MAGED1: variants seen among roughly 807,000 people sequenced by gnomAD.
MAGED1 encodes melanoma-associated antigen D1.
MAGED1 carries 3 observed loss-of-function variants against 54.1 expected under a neutral mutation model. The ratio of observed to expected loss-of-function variants is 0.06; its 90% CI spans 0.03 to 0.14. MAGED1 has a LOEUF of 0.14. Ranked by LOEUF, MAGED1 falls within the 10% of genes least tolerant of loss-of-function variation. MAGED1 has a pLI of 1.00. For synonymous variants in MAGED1, 217 were observed against 227.3 expected (o/e 0.95, Z 0.41); for missense variants, 485 against 623.4 (o/e 0.78, Z 2.36).
intron 1 of MAGED1, among the ~76,000 whole-genome samples, chrX:51,884,156 G>A (rs185161104): frequency 2.7e-5 from 3 of 111,288 alleles, no homozygotes; most frequent in Admixed American, 1.9e-4. Flanking sequence ...CCCACAGATT[G>A]AGTGATTCAA....
At chrX:51,852,144 C>G (rs1009569686) in intron 1 of MAGED1, among the ~76,000 whole-genome samples, 44 of 111,621 alleles carry the variant, frequency 3.9e-4, no homozygotes, top group African/African-American at 1.3e-3. Context: ...GGCTCCTGCT[C>G]CCTTTCTCCA....
intron 1 of MAGED1, among the ~76,000 whole-genome samples, chrX:51,844,278 C>G (rs1196629434): frequency 8.9e-6 from 1 of 111,995 alleles, no homozygotes; most frequent in Non-Finnish European, 1.9e-5. Flanking sequence ...TGGCAGAAAG[C>G]TTAGCTGAAT....
chrX:51,891,342 G>T (rs1557363502), upstream of MAGED1, among the ~76,000 whole-genome samples: 1 of 112,612 alleles, frequency 8.9e-6, no homozygotes, highest in Non-Finnish European at 1.9e-5. Context: ...AGTATGAAAA[G>T]GTAGCACCAA....
At chrX:51,838,358 G>A (rs1926331730) in intron 1 of MAGED1, among the ~76,000 whole-genome samples, 1 of 112,630 alleles carries the variant, frequency 8.9e-6, no homozygotes, top group African/African-American at 3.2e-5. Context: ...ATAGCCATTT[G>A]TGAAGCTGAT....
At chrX:51,849,504 C>T (rs1401112983) in intron 1 of MAGED1, among the ~76,000 whole-genome samples, 2 of 111,677 alleles carry the variant, frequency 1.8e-5, no homozygotes, top group African/African-American at 3.3e-5. Flanking sequence ...TCATCTCTCC[C>T]TTTATATAGG....
intron 1 of MAGED1, among the ~76,000 whole-genome samples, chrX:51,838,308 T>A (rs1187892372): frequency 8.9e-6 from 1 of 112,687 alleles, no homozygotes; most frequent in Non-Finnish European, 1.9e-5. Flanking sequence ...TAATTAACTT[T>A]TTTTCTGGAG....
At chrX:51,813,873 T>C (rs1569555365) in intron 1 of MAGED1, among the ~76,000 whole-genome samples, 1 of 112,176 alleles carries the variant, frequency 8.9e-6, no homozygotes, top group Non-Finnish European at 1.9e-5. Context: ...TTGACTCCTG[T>C]AGAACCTCTC....
In MAGED1 at chrX:51,896,810, ATGGCAGACCCCACCGGGC is replaced by A; in HGVS notation, c.1162_1179del (p.Thr388_Gln393del). The A allele has an allele frequency of 1.7e-6, 2 of 1,207,495 alleles. No homozygotes were observed. Among genetic ancestry groups the A allele is most frequent in the Non-Finnish European group, 2.2e-6 (2 of 893,250 alleles). On this transcript the variant is annotated inframe_deletion, in exon 4 of 13. Transcript: ENST00000326587. ...CACCTGGATGGCAGACTCCACCTGGATGGCAGACCCCACCGGGCTGGCAGGGTCCTCCAGACTGGCAAG... is the reference window on the plus strand; with the variant it reads ...CACCTGGATGGCAGACTCCACCTGGATGGCAGGGTCCTCCAGACTGGCAAG...
At chrX:51,840,897 A>G (rs372194274) in intron 1 of MAGED1, among the ~76,000 whole-genome samples, 3 of 110,305 alleles carry the variant, frequency 2.7e-5, no homozygotes, top group East Asian at 2.8e-4. Flanking sequence ...ATAAACATAC[A>G]TGTGCATGTG....
At chrX:51,894,178 C>A in intron 1 of MAGED1, 91 bp from the exon 2 acceptor site, 1 of 512,177 alleles carries the variant, frequency 2.0e-6, no homozygotes, top group Non-Finnish European at 3.4e-6. Context: ...TCACCTTATC[C>A]GCCCGCACAG....
chrX:51,848,291 T>A (rs1286183161), intron 1 of MAGED1, among the ~76,000 whole-genome samples: 2 of 111,724 alleles, frequency 1.8e-5, no homozygotes, highest in African/African-American at 6.5e-5. Flanking sequence ...ATTTTACAGT[T>A]TATAATATCT....
chrX:51,861,953 AT>A (rs1927296180), intron 1 of MAGED1, among the ~76,000 whole-genome samples: 1 of 111,481 alleles, frequency 9.0e-6, no homozygotes. Context: ...AAATATCCTT[AT>A]TTTTTCTGTT....
rs2147026296 is a variant in MAGED1, at chrX:51,901,633, T to C, written c.2040T>C (p.Ala680=). ...ADEALDALDA[A]AAEAEARAEA... ...AGGCCTTGGATGCTCTGGATGCTGC[T>C]GCAGCTGAGGCCGAAGCCCGGGCTG... The change falls in exon 12 of 13, where the codon GCT becomes GCC. Residue 680 remains alanine (A), a synonymous_variant. Coordinates refer to ENST00000326587, the MANE Select transcript of MAGED1 (RefSeq NM_006986.4). 2 of 1,210,017 alleles carry C rather than the reference T, an allele frequency of 1.7e-6. No individual in the cohort carries two copies. Among genetic ancestry groups the C allele is most frequent in the East Asian group, 5.9e-5 (2 of 33,856 alleles).
chrX:51,874,995 T>C (rs782529983), intron 1 of MAGED1, among the ~76,000 whole-genome samples: 1 of 111,432 alleles, frequency 9.0e-6, no homozygotes, highest in Non-Finnish European at 1.9e-5. Flanking sequence ...GTCTTGCTTT[T>C]ATGATTTGTT....
At chrX:51,835,689 G>A (rs970446023) in intron 1 of MAGED1, among the ~76,000 whole-genome samples, 1 of 110,985 alleles carries the variant, frequency 9.0e-6, no homozygotes, top group South Asian at 3.8e-4. Flanking sequence ...TAAAATTATC[G>A]CTAAAATAAT....
At position 51,901,788 on chromosome X, in the gene MAGED1, T is replaced by C. The variant is rs1557365000; in HGVS notation, c.2195T>C (p.Phe732Ser). ...GGAGATCCCTGGTCCAGAATTCCAT[T>C]TACCTTCTGGGCCAGATACCACCAG... ...DFGDPWSRIPFTFWARYHQNA... is the reference protein window; with the variant it reads ...DFGDPWSRIPSTFWARYHQNA... The change falls in exon 12 of 13, where the codon TTT (phenylalanine) becomes TCT (serine). Residue 732 changes from phenylalanine (F) to serine (S), a missense_variant. Physicochemically the swap from Phe to Ser is radical, Grantham distance 155. Around this residue, in one of 2 missense-constraint regions of MAGED1, gnomAD observed 186 missense variants for 330.3 expected, o/e 0.56. Transcript: ENST00000326587. 1.7e-6 allele frequency: 2 copies of C among 1,211,621 alleles called. No individual in the cohort carries two copies. The highest frequency in any genetic ancestry group is 2.2e-6 in the Non-Finnish European group (2 of 895,517).
At chrX:51,847,732 C>G (rs1449582490) in intron 1 of MAGED1, among the ~76,000 whole-genome samples, 1 of 111,821 alleles carries the variant, frequency 8.9e-6, no homozygotes, top group African/African-American at 3.2e-5. Flanking sequence ...GTCGGAGATT[C>G]TCCGGGGGAC....
rs1179789654 is a variant in MAGED1, at chrX:51,867,034, TG to T, written c.-36-27234del. 6.2e-5 allele frequency among the ~76,000 whole-genome samples: 7 copies of T among 112,019 alleles called. No homozygotes were observed. In the Admixed American group the frequency reaches 6.6e-4, roughly 11 times the overall value. On this transcript the variant is annotated intron_variant, in intron 1 of 12. Transcript: ENST00000375772. Reference sequence around the variant, plus strand: ...GACTAGGTTCAGAACCAATTGAAATTGAAAGATGTAGGAATCCGATAAATGG... The same window carrying T: ...GACTAGGTTCAGAACCAATTGAAATTAAAGATGTAGGAATCCGATAAATGG...
chrX:51,892,980 T>C (rs899891946), upstream of MAGED1, among the ~76,000 whole-genome samples: 25 of 110,425 alleles, frequency 2.3e-4, no homozygotes, highest in African/African-American at 8.3e-4. Context: ...CTTCCCTCCT[T>C]TCCTCCCCCA....
Sources: allele counts gnomAD v4.1 joint callset (sites outside exome capture counted in the v4.1 genomes callset), GRCh38; gene constraint gnomAD v4.1.1; regional missense constraint gnomAD v4.1.1; transcripts MANE v1.5; gene names NCBI Gene and HGNC (gene_info 2026-07-23, HGNC 2026-07-21).